The following SORL1 variants were observed in gnomAD, a reference collection of about 807,000 sequenced individuals.
SORL1 encodes the protein sortilin related receptor 1, also known as sortilin-related receptor.
Under a neutral mutation model 273.7 loss-of-function variants are expected in SORL1, and 127 were observed. That is an observed-to-expected ratio of 0.46 (90% CI 0.40 to 0.54). The LOEUF (loss-of-function observed/expected upper bound fraction) is 0.54, where lower values mean the gene tolerates loss of function less well. SORL1 is among the 20% of genes least tolerant of loss of function. The pLI is 0.00. For missense variants in SORL1, 2,494 were observed against 2,846.1 expected (o/e 0.88, Z 2.81); for synonymous variants, 1,031 against 1,067.4 (o/e 0.97, Z 0.66).
chr11:121,531,224 T>C (rs1429072803), intron 11 of SORL1, among the ~76,000 whole-genome samples: 1 of 152,090 alleles, frequency 6.6e-6, no homozygotes, highest in Non-Finnish European at 1.5e-5. Context: ...TGAAACCCTG[T>C]CTGTACTAAA....
chr11:121,558,459 A>C, intron 19 of SORL1, 132 bp from the exon 20 acceptor site: 1 of 895,946 alleles, frequency 1.1e-6, no homozygotes, highest in Non-Finnish European at 1.7e-6. Flanking sequence ...TTGTCATTAC[A>C]TATTGTTATA....
intron 1 of SORL1, among the ~76,000 whole-genome samples, chr11:121,462,078 C>T (rs779220394): frequency 1.3e-5 from 2 of 152,018 alleles, no homozygotes; most frequent in East Asian, 1.9e-4. Flanking sequence ...GGTGGTAAAC[C>T]GGAGAGAACA....
At position 121,605,176 on chromosome 11, in the gene SORL1, C is replaced by T; in HGVS notation, c.4715C>T (p.Thr1572Ile). 5.0e-6 allele frequency: 8 copies of T among 1,613,778 alleles called. No individual in the cohort carries two copies. Among genetic ancestry groups the T allele is most frequent in the Non-Finnish European group, 6.8e-6 (8 of 1,179,690 alleles). ...ACAGCTGACTTCTCTGGGGATGTGA[C>T]TTTGACCTGGATGAGGCCCAAAAAA... The part of the protein sequence containing the change: ...QWTADFSGDV[T>I]LTWMRPKKMP... Residue 1572 changes from threonine (T) to isoleucine (I), a missense_variant, in exon 34 of 48, where the codon ACT becomes ATT. Around this residue, in one of 3 missense-constraint regions of SORL1, gnomAD observed 1,609 missense variants for 1,816.4 expected, o/e 0.89. Transcript: ENST00000260197.
intron 8 of SORL1, among the ~76,000 whole-genome samples, chr11:121,518,475 G>A (rs550141724): frequency 3.9e-5 from 6 of 152,254 alleles, no homozygotes; most frequent in African/African-American, 1.2e-4. Flanking sequence ...TCCGACTCGG[G>A]AAAGAAACAG....
chr11:121,514,438 G>A lies in SORL1; in HGVS notation c.1211+117G>A, dbSNP rs140408248. The A allele has an allele frequency of 6.5e-4, 658 of 1,013,756 alleles. 1 individual carries two copies. In the African/African-American group the frequency reaches 9.4e-3, roughly 14 times the overall value. The allele number at this position is 1,013,756 out of a possible 1,614,324, so 62.8% of individuals were successfully genotyped here. A position where few individuals can be genotyped will look rare whatever the true frequency, so the allele number is the denominator to read the frequency against. ...ATGTGGATACACCCGGGGAGCTTTC[G>A]GAAACCCGATGCCTGGCTCACGTGC... On this transcript the variant is annotated intron_variant, in intron 8 of 47. Transcript: ENST00000260197.
intron 7 of SORL1, among the ~76,000 whole-genome samples, chr11:121,513,916 C>T (rs1861914557): frequency 6.6e-6 from 1 of 152,174 alleles, no homozygotes; most frequent in Admixed American, 6.5e-5. Flanking sequence ...AGTGCAGTGG[C>T]CCATTATTTT....
chr11:121,591,239 A>G lies in SORL1; in HGVS notation c.4369+83A>G, dbSNP rs181735959. Reference sequence around the variant, plus strand: ...GGGGGTGTGCTCTGGGCACAATCCAACCGGGCCCCATGCCCTGCTGTCTGG... The same window carrying G: ...GGGGGTGTGCTCTGGGCACAATCCAGCCGGGCCCCATGCCCTGCTGTCTGG... On this transcript the variant is annotated intron_variant, in intron 31 of 47. Transcript: ENST00000260197. 9,650 of 1,472,900 alleles carry G rather than the reference A, an allele frequency of 6.6e-3. 48 individuals are homozygous for G. The highest frequency in any genetic ancestry group is 8.1e-3 in the Non-Finnish European group (8,591 of 1,060,608). 91.2% of individuals were successfully genotyped at this position (1,472,900 alleles called of 1,614,324 possible).
At chr11:121,526,198 A>G (rs999942334) in intron 11 of SORL1, among the ~76,000 whole-genome samples, 12 of 152,082 alleles carry the variant, frequency 7.9e-5, no homozygotes, top group African/African-American at 2.9e-4. Context: ...AGCACCATTT[A>G]TTGAAAACCC....
At chr11:121,477,696 A>T (rs1336480975) in intron 2 of SORL1, among the ~76,000 whole-genome samples, 1 of 152,036 alleles carries the variant, frequency 6.6e-6, no homozygotes, top group Non-Finnish European at 1.5e-5. Flanking sequence ...TCAGGCACCT[A>T]ATGGGAGCCA....
chr11:121,619,793 A>G lies in SORL1; in HGVS notation c.5765A>G (p.Tyr1922Cys), dbSNP rs140883895. 2.5e-6 allele frequency: 4 copies of G among 1,614,104 alleles called. No individual in the cohort carries two copies. Among genetic ancestry groups the G allele is most frequent in the Non-Finnish European group, 3.4e-6 (4 of 1,179,998 alleles). The change falls in exon 43 of 48, where the codon TAC becomes TGC. Residue 1922 changes from tyrosine (Y) to cysteine (C), a missense_variant. By Grantham distance (194) the Tyr-to-Cys change is radical. Around this residue, in one of 3 missense-constraint regions of SORL1, gnomAD observed 1,609 missense variants for 1,816.4 expected, o/e 0.89. Coordinates refer to ENST00000260197, the MANE Select transcript of SORL1 (RefSeq NM_003105.6). ...VVPYQGPSSD[Y>C]VVVKMIPDSR... ...CCCTACCAGGGGCCATCCTCTGACT[A>G]CGTTGTAGTGAAGATGATCCCGGAC...
chr11:121,553,868 G>A lies in SORL1; in HGVS notation c.2267-69G>A. On this transcript the variant is annotated intron_variant, in intron 16 of 47. Coordinates refer to ENST00000260197, the MANE Select transcript of SORL1 (RefSeq NM_003105.6). ...AGGTTTGTGTATGAGAAACAAATAG[G>A]TCAGATGTGCTAGGACCTCTTCAGC... is the stretch of plus-strand genomic sequence containing the variant. 2.1e-6 allele frequency: 3 copies of A among 1,457,638 alleles called. No individual in the cohort carries two copies. The South Asian group carries it at 3.8e-5, about 19-fold the overall frequency. The allele number at this position is 1,457,638 out of a possible 1,614,324, so 90.3% of individuals were successfully genotyped here. A position where few individuals can be genotyped will look rare whatever the true frequency, so the allele number is the denominator to read the frequency against.
chr11:121,574,152 AT>A, intron 23 of SORL1, 88 bp from the exon 24 acceptor site: 2 of 1,326,612 alleles, frequency 1.5e-6, no homozygotes, highest in South Asian at 2.5e-5. Context: ...GCTTTCTTCT[AT>A]TTTTTAATTG....
intron 12 of SORL1, among the ~76,000 whole-genome samples, chr11:121,542,448 G>T (rs74236077): frequency 0.031 from 4,649 of 151,188 alleles, 176 homozygotes; most frequent in East Asian, 0.2. Flanking sequence ...TATTTATTTG[G>T]TTTTTGTGGC....
In SORL1 at chr11:121,588,144, A is replaced by G. The variant is rs1280858260; in HGVS notation, c.3939A>G (p.Ala1313=). The G allele has an allele frequency of 5.6e-6, 9 of 1,612,980 alleles. No individual in the cohort carries two copies. The highest frequency in any genetic ancestry group is 7.6e-6 in the Non-Finnish European group (9 of 1,179,408). The change falls in exon 28 of 48, where the codon GCA becomes GCG. Residue 1313 remains alanine (A), a synonymous_variant. Transcript: ENST00000260197. ...GGTCCGATGAGGATGCGGCGTTTGC[A>G]GGATGCTGTGAGTTGGGGCAGGCAG... The part of the protein sequence containing the change: ...RDGSDEDAAF[A]GCSQDPEFHK...
intron 24 of SORL1, chr11:121,576,911 T>G (rs1040464019): frequency 6.5e-7 from 1 of 1,535,590 alleles, no homozygotes; most frequent in African/African-American, 1.4e-5. Flanking sequence ...GTCCTCTGTT[T>G]CTTGAAAGTT....
chr11:121,488,288 G>T, intron 4 of SORL1, 95 bp downstream of exon 4: 1 of 1,222,652 alleles, frequency 8.2e-7, no homozygotes. Flanking sequence ...CTCGCCTCCT[G>T]CCTCTCCCTC....
intron 9 of SORL1, among the ~76,000 whole-genome samples, 177 bp from the exon 10 acceptor site, chr11:121,522,409 A>G (rs1234945118): frequency 6.6e-6 from 1 of 152,198 alleles, no homozygotes; most frequent in African/African-American, 2.4e-5. Context: ...ATGTGGGTTC[A>G]GATGATCCTC....
chr11:121,456,264 G>T (rs190406179), intron 1 of SORL1, among the ~76,000 whole-genome samples: 79 of 152,306 alleles, frequency 5.2e-4, no homozygotes, highest in Non-Finnish European at 3.2e-4. Flanking sequence ...TTTCTTCTGA[G>T]CTTGGAGGCA....
rs1862540281 is a variant in SORL1, at chr11:121,553,928, G to A, written c.2267-9G>A. On this transcript the variant is annotated splice_polypyrimidine_tract_variant and intron_variant, in intron 16 of 47. Coordinates refer to ENST00000260197, the MANE Select transcript of SORL1 (RefSeq NM_003105.6). ...GTCCAACCTCCCACGTGTCTTGTGT[G>A]TCTGGCAGAAGAGAACGAGTTCATT... 2 of 1,610,234 alleles carry A rather than the reference G, an allele frequency of 1.2e-6. No individual in the cohort carries two copies. The highest frequency in any genetic ancestry group is 1.3e-5 in the African/African-American group (1 of 74,890).
Sources: gnomAD v4.1 joint callset for allele counts (sites outside exome capture counted in the v4.1 genomes callset) on GRCh38, gnomAD v4.1.1 for gene constraint, gnomAD v4.1.1 regional missense constraint, MANE v1.5 for transcripts, NCBI Gene and HGNC (gene_info 2026-07-23, HGNC 2026-07-21) for gene names.